Variants in RASAL2 observed in about 807,000 individuals in gnomAD.
RASAL2 encodes ras GTPase-activating protein nGAP.
A neutral mutation model predicts 128.9 loss-of-function variants in RASAL2; 58 were observed. The observed-to-expected ratio is 0.45, with a 90% CI of 0.36 to 0.56. RASAL2 has a LOEUF of 0.56. RASAL2 is among the 20% of genes least tolerant of loss of function. The pLI is 0.00. For synonymous variants in RASAL2, 561 were observed against 580.8 expected (o/e 0.97, Z 0.49); for missense variants, 1,360 against 1,601.6 (o/e 0.85, Z 2.57).
At chr1:178,351,533 C>T (rs1277797963) in intron 3 of RASAL2, among the ~76,000 whole-genome samples, 1 of 152,026 alleles carries the variant, frequency 6.6e-6, no homozygotes, top group Non-Finnish European at 1.5e-5. Context: ...AGATCAAGAC[C>T]ATCCTGGCTA....
chr1:178,420,627 A>C lies in RASAL2; in HGVS notation c.674+7A>C. ...TTCGCAGTACAGATGACAGGTAGGA[A>C]GTTAACTTTCTTAAAACAAAAAAAG... On this transcript the variant is annotated splice_region_variant and intron_variant, in intron 5 of 17. Coordinates refer to ENST00000367649, the MANE Select transcript of RASAL2 (RefSeq NM_170692.4). The C allele has an allele frequency of 6.3e-7, 1 of 1,580,360 alleles. No individual in the cohort carries two copies. The highest frequency in any genetic ancestry group is 8.6e-7 in the Non-Finnish European group (1 of 1,157,632).
In RASAL2 at chr1:178,283,680, AAGG is replaced by A. The variant is rs1228737502; in HGVS notation, c.322_324del (p.Glu108del). The A allele has an allele frequency of 1.2e-6, 2 of 1,613,718 alleles. No individual in the cohort carries two copies. Among genetic ancestry groups the A allele is most frequent in the Non-Finnish European group, 1.7e-6 (2 of 1,179,894 alleles). On this transcript the variant is annotated inframe_deletion, in exon 2 of 18. Transcript: ENST00000367649. ...AGACAGCCAGTTGGTATTGCTCAAC[AAGG>A]AGAAGGAGGTGAGATGGATATTATT...
intron 3 of RASAL2, among the ~76,000 whole-genome samples, chr1:178,327,546 T>G (rs1669094744): frequency 6.6e-6 from 1 of 151,930 alleles, no homozygotes; most frequent in Non-Finnish European, 1.5e-5. Flanking sequence ...GAGACAGTAT[T>G]TCTCCACATT....
intron 1 of RASAL2, among the ~76,000 whole-genome samples, chr1:178,100,725 T>C (rs1658865007): frequency 6.6e-6 from 1 of 152,104 alleles, no homozygotes; most frequent in Non-Finnish European, 1.5e-5. Flanking sequence ...AAATAGAGGG[T>C]TTATGTAATT....
intron 8 of RASAL2, 137 bp from the exon 9 acceptor site, chr1:178,445,381 C>A: frequency 9.7e-7 from 1 of 1,029,036 alleles, no homozygotes; most frequent in Non-Finnish European, 1.4e-6. Context: ...ATCCTGATTG[C>A]TTTTTTTCCT....
intron 2 of RASAL2, among the ~76,000 whole-genome samples, chr1:178,290,062 A>AT (rs1049138399): frequency 6.6e-6 from 1 of 152,096 alleles, no homozygotes; most frequent in East Asian, 1.9e-4. Context: ...GCTCTAATAT[A>AT]TTTTTTATAG....
At chr1:178,113,128 G>T (rs1389585209) in intron 1 of RASAL2, among the ~76,000 whole-genome samples, 1 of 152,076 alleles carries the variant, frequency 6.6e-6, no homozygotes, top group African/African-American at 2.4e-5. Flanking sequence ...GAGCACTCAG[G>T]TGCCTTTGTA....
intron 3 of RASAL2, among the ~76,000 whole-genome samples, chr1:178,379,551 C>G (rs747779302): frequency 6.6e-6 from 1 of 152,110 alleles, no homozygotes; most frequent in Non-Finnish European, 1.5e-5. Flanking sequence ...AGCACACTTG[C>G]GTTAATATTT....
chr1:178,371,345 C>CAA (rs1553222417), intron 3 of RASAL2, among the ~76,000 whole-genome samples: 1 of 145,884 alleles, frequency 6.9e-6, no homozygotes, highest in African/African-American at 2.7e-5. Context: ...CACACACACA[C>CAA]ACACACAAAT....
intron 9 of RASAL2, among the ~76,000 whole-genome samples, chr1:178,447,737 CTGTAA>C (rs1278117059): frequency 7.5e-6 from 1 of 132,776 alleles, no homozygotes; most frequent in African/African-American, 2.8e-5. Flanking sequence ...CTCTGAATGA[CTGTAA>C]TCATGCAAGT....
chr1:178,290,750 G>A (rs1048616525), intron 2 of RASAL2, among the ~76,000 whole-genome samples: 8 of 151,728 alleles, frequency 5.3e-5, no homozygotes, highest in African/African-American at 1.2e-4. Flanking sequence ...ATCTCGGCTC[G>A]CTGCAAGCTC....
chr1:178,462,515 A>G (rs1044797158), intron 14 of RASAL2, among the ~76,000 whole-genome samples: 1 of 152,162 alleles, frequency 6.6e-6, no homozygotes, highest in Non-Finnish European at 1.5e-5. Flanking sequence ...AGAACATACT[A>G]CAACAAAAAA....
At position 178,457,744 on chromosome 1, in the gene RASAL2, A is replaced by G. The variant is rs990177461; in HGVS notation, c.2452A>G (p.Thr818Ala). 1.9e-6 allele frequency: 3 copies of G among 1,614,058 alleles called. No homozygotes were observed. Among genetic ancestry groups the G allele is most frequent in the African/African-American group, 1.3e-5 (1 of 74,930 alleles). ...DNTDSYFRGK[T>A]LLLVQQASSQ... ...CACAGACAGCTACTTCAGAGGGAAA[A>G]CATTATTGCTGGTTCAGCAAGCCTC... Residue 818 changes from threonine to alanine, a missense_variant, in exon 14 of 18, where the codon ACA (threonine) becomes GCA (alanine). Physicochemically the swap from Thr to Ala is moderately conservative, Grantham distance 58. Coordinates refer to ENST00000367649, the MANE Select transcript of RASAL2 (RefSeq NM_170692.4).
chr1:178,257,038 C>T (rs1308258286), intron 1 of RASAL2, among the ~76,000 whole-genome samples: 1 of 150,856 alleles, frequency 6.6e-6, no homozygotes, highest in Non-Finnish European at 1.5e-5. Context: ...ATTCATAAAA[C>T]ATCAAAAAGA....
At chr1:178,155,368 A>C (rs944194815) in intron 1 of RASAL2, among the ~76,000 whole-genome samples, 5 of 151,398 alleles carry the variant, frequency 3.3e-5, no homozygotes, top group Admixed American at 1.3e-4. Context: ...TCCCCTGATA[A>C]ATTTGCTGTT....
At chr1:178,331,743 C>T (rs759170829) in intron 3 of RASAL2, among the ~76,000 whole-genome samples, 3 of 151,932 alleles carry the variant, frequency 2.0e-5, no homozygotes, top group Non-Finnish European at 4.4e-5. Context: ...CCCACCACCA[C>T]GCCTGGCTAA....
intron 1 of RASAL2, among the ~76,000 whole-genome samples, chr1:178,201,203 A>G (rs1662855351): frequency 6.6e-6 from 1 of 152,158 alleles, no homozygotes; most frequent in Non-Finnish European, 1.5e-5. Flanking sequence ...GAATTTATCA[A>G]TTTGGGCCCC....
rs143410635 is a variant in RASAL2, at chr1:178,447,316, T to A, written c.1627+1654T>A. 9.6e-5 allele frequency among the ~76,000 whole-genome samples: 14 copies of A among 146,250 alleles called. 1 individual carries two copies. The East Asian group carries it at 2.9e-3, about 30-fold the overall frequency. On this transcript the variant is annotated intron_variant, in intron 9 of 17. Coordinates refer to ENST00000367649, the MANE Select transcript of RASAL2 (RefSeq NM_170692.4). ...CAGCCTGGGTGACAGAGAAAGACCT[T>A]GTCTTAAAAAAAATAAATAAATAAA...
chr1:178,216,997 C>T (rs193070354), intron 1 of RASAL2, among the ~76,000 whole-genome samples: 25 of 151,422 alleles, frequency 1.7e-4, no homozygotes, highest in African/African-American at 4.8e-4. Context: ...TTTTTTGAGA[C>T]GGAGTTTCGC....
Sources: allele counts gnomAD v4.1 joint callset (sites outside exome capture counted in the v4.1 genomes callset), GRCh38; gene constraint gnomAD v4.1.1; transcripts MANE v1.5; gene names NCBI Gene and HGNC (gene_info 2026-07-23, HGNC 2026-07-21).